ANK3: variants seen among roughly 807,000 people sequenced by gnomAD.
ANK3 encodes ankyrin-3.
ANK3 carries 57 observed loss-of-function variants against 370.9 expected under a neutral mutation model. The ratio of observed to expected loss-of-function variants is 0.15; its 90% CI spans 0.12 to 0.19. ANK3 has a LOEUF of 0.19. ANK3 is among the 10% of genes least tolerant of loss of function. ANK3 has a pLI of 1.00. For synonymous variants in ANK3, 1,929 were observed against 1,946.3 expected (o/e 0.99, Z 0.23); for missense variants, 4,439 against 5,302.1 (o/e 0.84, Z 5.06).
intron 1 of ANK3, among the ~76,000 whole-genome samples, chr10:60,694,295 G>A (rs1156374314): frequency 6.6e-6 from 1 of 152,134 alleles, no homozygotes; most frequent in Non-Finnish European, 1.5e-5. Flanking sequence ...AAAGTGACGG[G>A]GAGAATGGAA....
chr10:60,196,462 AT>A, intron 15 of ANK3, 64 bp downstream of exon 15: 1 of 1,154,704 alleles, frequency 8.7e-7, no homozygotes, highest in Non-Finnish European at 1.3e-6. Context: ...ATTAGTGAAT[AT>A]TAGCAAGGGT....
Position 60,082,706 on chromosome 10 carries a change from C to T in ANK3, c.4232G>A (p.Arg1411His), listed in dbSNP as rs768806179. The part of the protein sequence containing the change: ...IRDTSQEPCG[R>H]LSFLKEPKTT... ...CTTTGGTTCTTTCAGAAAAGACAGA[C>T]GACCACAGGGCTCTTGGCTGGTGTC... The change falls in exon 34 of 44, where the codon CGT becomes CAT. Residue 1411 changes from arginine to histidine, a missense_variant. Arg to His is a conservative substitution (Grantham distance 29). This residue lies in a region of ANK3 where 702 missense variants were observed against 941.5 expected (regional missense o/e 0.75). Transcript: ENST00000280772. 11 of 1,613,868 alleles carry T rather than the reference C, an allele frequency of 6.8e-6. No individual in the cohort carries two copies. Among genetic ancestry groups the T allele is most frequent in the South Asian group, 3.3e-5 (3 of 91,070 alleles).
At chr10:60,213,617 G>A (rs2096890364) in intron 8 of ANK3, 107 bp from the exon 9 acceptor site, 2 of 556,404 alleles carry the variant, frequency 3.6e-6, no homozygotes, top group Admixed American at 3.9e-5. Context: ...TGGTCAAGCG[G>A]GCTTCAAACA....
intron 25 of ANK3, among the ~76,000 whole-genome samples, chr10:60,130,784 TTTTA>T (rs1402891554): frequency 2.4e-4 from 37 of 152,312 alleles, no homozygotes; most frequent in Admixed American, 8.5e-4. Context: ...GTATCTATAA[TTTTA>T]TTTATCTATA....
chr10:60,587,825 T>C (rs1465636659), intron 2 of ANK3, among the ~76,000 whole-genome samples: 1 of 152,232 alleles, frequency 6.6e-6, no homozygotes. Context: ...AGTAACCAAA[T>C]TGTTGATAAA....
chr10:60,059,830 C>T (rs199526263), intron 40 of ANK3: 85 of 1,614,104 alleles, frequency 5.3e-5, no homozygotes, highest in South Asian at 2.3e-4. Context: ...GGTCCATCTG[C>T]GGAATGCTCT....
chr10:60,716,949 A>C (rs939752021), intron 1 of ANK3, among the ~76,000 whole-genome samples: 2 of 152,242 alleles, frequency 1.3e-5, no homozygotes, highest in Non-Finnish European at 2.9e-5. Context: ...GCTCATAAGA[A>C]ACATCTAAAG....
Position 60,172,373 on chromosome 10 carries a change from G to A in ANK3, c.2413C>T (p.Arg805Cys), listed in dbSNP as rs1324042095. The change falls in exon 21 of 44, where the codon CGC (arginine) becomes TGC (cysteine). Residue 805 changes from arginine (R) to cysteine (C), a missense_variant. Coordinates refer to ENST00000280772, the MANE Select transcript of ANK3 (RefSeq NM_020987.5). ...NGNTALGIAR[R>C]LGYISVVDTL... is the part of the protein sequence containing the mutation. Reference sequence around the variant, plus strand: ...TCCACTACTGAGATGTAGCCGAGGCGCCGGGCAATGCCAAGGGCAGTATTC... The same window carrying A: ...TCCACTACTGAGATGTAGCCGAGGCACCGGGCAATGCCAAGGGCAGTATTC... 16 of 1,613,980 alleles carry A rather than the reference G, an allele frequency of 9.9e-6. No homozygotes were observed. In the East Asian group the frequency reaches 1.1e-4, roughly 11 times the overall value.
At chr10:60,653,717 A>C (rs34685604) in intron 1 of ANK3, among the ~76,000 whole-genome samples, 22,464 of 152,156 alleles carry the variant, frequency 0.15, 2,102 homozygotes, top group South Asian at 0.26. Flanking sequence ...AAAATACAAA[A>C]ATTAGCTGGG....
chr10:60,369,092 CG>C (rs1018815632), intron 1 of ANK3, among the ~76,000 whole-genome samples: 1 of 149,560 alleles, frequency 6.7e-6, no homozygotes, highest in African/African-American at 2.4e-5. Context: ...AATTATACTT[CG>C]GTTTAAAAAA....
chr10:60,687,879 C>T (rs1211632960), intron 1 of ANK3, among the ~76,000 whole-genome samples: 2 of 152,068 alleles, frequency 1.3e-5, no homozygotes, highest in Non-Finnish European at 2.9e-5. Flanking sequence ...TACTATTCAG[C>T]CTTAAAAAAG....
intron 1 of ANK3, among the ~76,000 whole-genome samples, chr10:60,698,768 G>A (rs891234313): frequency 9.9e-6 from 1 of 100,822 alleles, no homozygotes; most frequent in East Asian, 3.8e-4. Flanking sequence ...GGGGGGAGGG[G>A]GGAGGGATAG....
At chr10:60,360,011 A>G (rs2058349371) in intron 1 of ANK3, among the ~76,000 whole-genome samples, 1 of 152,238 alleles carries the variant, frequency 6.6e-6, no homozygotes, top group Admixed American at 6.5e-5. Flanking sequence ...CTTCTGAACT[A>G]GTATAATAAA....
At chr10:60,079,466 G>A (rs2084665615) in intron 36 of ANK3, among the ~76,000 whole-genome samples, 1 of 152,104 alleles carries the variant, frequency 6.6e-6, no homozygotes. Flanking sequence ...GTGCAGTAGT[G>A]TCCTGCCGCA....
At chr10:60,432,354 T>C (rs2064046181) in intron 2 of ANK3, among the ~76,000 whole-genome samples, 1 of 152,230 alleles carries the variant, frequency 6.6e-6, no homozygotes, top group Admixed American at 6.5e-5. Flanking sequence ...TGTTGTATTT[T>C]CTTGGGAATA....
intron 1 of ANK3, among the ~76,000 whole-genome samples, chr10:60,287,735 T>C (rs941581475): frequency 2.6e-5 from 4 of 152,214 alleles, no homozygotes; most frequent in Admixed American, 2.0e-4. Flanking sequence ...CCAAGTCTGC[T>C]TGATAGCAAG....
At position 60,243,185 on chromosome 10, in the gene ANK3, G is replaced by A. The variant is rs191381407; in HGVS notation, c.799-8399C>T. 3.8e-3 allele frequency among the ~76,000 whole-genome samples: 581 copies of A among 152,212 alleles called. 1 individual carries two copies. Among genetic ancestry groups the A allele is most frequent in the African/African-American group, 0.013 (534 of 41,538 alleles). On this transcript the variant is annotated intron_variant, in intron 7 of 43. Coordinates refer to ENST00000280772, the MANE Select transcript of ANK3 (RefSeq NM_020987.5). ...TTAGGTAAGTTTACTTAAATTCTCT[G>A]TATTGCAGATCTCTTATCTGTAAAA... is the stretch of plus-strand genomic sequence containing the variant.
chr10:60,226,132 T>C (rs149287855), intron 8 of ANK3, among the ~76,000 whole-genome samples: 5,783 of 135,472 alleles, frequency 0.043, 440 homozygotes, highest in African/African-American at 0.15. Context: ...TTATATATTA[T>C]ATACTATATG....
chr10:60,615,292 T>C (rs2078253208), intron 1 of ANK3: 1 of 1,108,668 alleles, frequency 9.0e-7, no homozygotes, highest in Non-Finnish European at 1.3e-6. Flanking sequence ...ATGACGGTGA[T>C]TTACACATGC....
Sources: allele counts gnomAD v4.1 joint callset (sites outside exome capture counted in the v4.1 genomes callset), GRCh38; gene constraint gnomAD v4.1.1; regional missense constraint gnomAD v4.1.1; transcripts MANE v1.5; gene names NCBI Gene and HGNC (gene_info 2026-07-23, HGNC 2026-07-21).